Variants in WWOX observed in about 807,000 individuals in gnomAD.
WWOX encodes WW domain-containing oxidoreductase.
A neutral mutation model predicts 46.2 loss-of-function variants in WWOX; 69 were observed. That is an observed-to-expected ratio of 1.49 (90% CI 1.23 to 1.82). The LOEUF (loss-of-function observed/expected upper bound fraction) is 1.82. Ranked by LOEUF, WWOX falls within the 40% of genes most tolerant of loss-of-function variation. The pLI, the probability that WWOX is intolerant of heterozygous loss-of-function variation, is 0.00. For missense variants in WWOX, 919 were observed against 542.6 expected, an observed-to-expected ratio of 1.69 and a Z score of -6.89; for synonymous variants, 359 against 202.6, an observed-to-expected ratio of 1.77 and a Z score of -6.56.
At chr16:78,688,144 A>G (rs2047904293) in intron 8 of WWOX, among the ~76,000 whole-genome samples, 1 of 152,076 alleles carries the variant, frequency 6.6e-6, no homozygotes, top group Non-Finnish European at 1.5e-5. Context: ...ATAGAAATGC[A>G]TTTCAAATAT....
intron 5 of WWOX, among the ~76,000 whole-genome samples, chr16:78,235,631 C>T (rs2037410309): frequency 6.6e-6 from 1 of 152,184 alleles, no homozygotes; most frequent in African/African-American, 2.4e-5. Flanking sequence ...CAATTGCCTC[C>T]TTCTAACTCT....
chr16:78,705,237 G>T (rs1199346008), intron 8 of WWOX, among the ~76,000 whole-genome samples: 1 of 152,146 alleles, frequency 6.6e-6, no homozygotes, highest in Non-Finnish European at 1.5e-5. Context: ...TTTCATCTGA[G>T]AGGTTTTCTC....
At chr16:78,756,706 T>C (rs1276804914) in intron 8 of WWOX, among the ~76,000 whole-genome samples, 1 of 152,198 alleles carries the variant, frequency 6.6e-6, no homozygotes, top group African/African-American at 2.4e-5. Flanking sequence ...ATTAAGCAAC[T>C]ACCATATCTA....
intron 8 of WWOX, among the ~76,000 whole-genome samples, chr16:79,050,583 G>A (rs2048147942): frequency 6.6e-6 from 1 of 152,214 alleles, no homozygotes; most frequent in Non-Finnish European, 1.5e-5. Flanking sequence ...GATCCAGAGA[G>A]GAGGGTGAAG....
chr16:78,614,851 G>C (rs191714713), intron 8 of WWOX, among the ~76,000 whole-genome samples: 8 of 152,154 alleles, frequency 5.3e-5, no homozygotes, highest in Admixed American at 2.0e-4. Context: ...TTGTTACATA[G>C]GTATACATGT....
At chr16:78,264,380 C>G (rs1170069589) in intron 5 of WWOX, 1 of 152,120 alleles carries the variant, frequency 6.6e-6, no homozygotes, top group East Asian at 1.9e-4. Flanking sequence ...CTCCCCGCCC[C>G]CACCGCCAGC....
intron 6 of WWOX, among the ~76,000 whole-genome samples, chr16:78,400,968 C>G (rs9319522): frequency 0.31 from 47,469 of 152,054 alleles, 13,298 homozygotes; most frequent in African/African-American, 0.75. Flanking sequence ...GACTACATGC[C>G]TGCACCATCA....
intron 8 of WWOX, among the ~76,000 whole-genome samples, chr16:79,115,827 C>T (rs1309274268): frequency 6.6e-6 from 1 of 152,198 alleles, no homozygotes; most frequent in African/African-American, 2.4e-5. Context: ...GCATATACAC[C>T]AGCTTTCGCC....
intron 8 of WWOX, among the ~76,000 whole-genome samples, chr16:78,910,703 G>T (rs1330090100): frequency 1.3e-5 from 2 of 151,912 alleles, no homozygotes; most frequent in Admixed American, 1.3e-4. Flanking sequence ...GCAGGCAAGA[G>T]AACTTGTGCA....
In WWOX at chr16:78,397,591, T is replaced by G. The variant is rs368501589; in HGVS notation, c.605+10643T>G. On this transcript the variant is annotated intron_variant, in intron 6 of 8. Transcript: ENST00000566780. ...GCTTGGAGAATCAGAAAGATCTGTCTCATTTGGGAAATATACCATGTAAAA... is the reference window on the plus strand; with the variant it reads ...GCTTGGAGAATCAGAAAGATCTGTCGCATTTGGGAAATATACCATGTAAAA... Among the ~76,000 whole-genome samples, 9 of 152,330 alleles carry G rather than the reference T, an allele frequency of 5.9e-5. No individual in the cohort carries two copies. In the East Asian group the frequency reaches 7.7e-4, roughly 13 times the overall value.
intron 8 of WWOX, among the ~76,000 whole-genome samples, chr16:79,035,830 A>T (rs748523566): frequency 1.3e-5 from 2 of 152,220 alleles, no homozygotes; most frequent in Non-Finnish European, 2.9e-5. Context: ...TGGTGCTGTG[A>T]ACAGGGATCC....
At chr16:78,481,226 T>C (rs888834081) in intron 8 of WWOX, among the ~76,000 whole-genome samples, 1 of 152,186 alleles carries the variant, frequency 6.6e-6, no homozygotes, top group African/African-American at 2.4e-5. Flanking sequence ...GCCCTTAATT[T>C]TTCTAACTGA....
intron 8 of WWOX, among the ~76,000 whole-genome samples, chr16:78,975,112 G>A (rs948614906): frequency 6.6e-6 from 1 of 152,128 alleles, no homozygotes; most frequent in Admixed American, 6.5e-5. Flanking sequence ...GACCAGAATT[G>A]ATTGCCACCA....
intron 8 of WWOX, among the ~76,000 whole-genome samples, chr16:78,569,399 T>G (rs2151570861): frequency 6.6e-6 from 1 of 152,352 alleles, no homozygotes; most frequent in Non-Finnish European, 1.5e-5. Flanking sequence ...TTCACCTGTA[T>G]TATACATTTC....
At chr16:79,047,054 C>G (rs1027807949) in intron 8 of WWOX, among the ~76,000 whole-genome samples, 1 of 152,212 alleles carries the variant, frequency 6.6e-6, no homozygotes, top group African/African-American at 2.4e-5. Context: ...TTACATATGT[C>G]CTTGGCATCC....
chr16:79,122,492 C>G (rs527290892), intron 8 of WWOX, among the ~76,000 whole-genome samples: 40 of 151,688 alleles, frequency 2.6e-4, no homozygotes, highest in African/African-American at 9.2e-4. Context: ...TTGCTATTTC[C>G]TTTCTTTCTT....
At chr16:78,806,028 C>A (rs141578391) in intron 8 of WWOX, among the ~76,000 whole-genome samples, 445 of 152,230 alleles carry the variant, frequency 2.9e-3, no homozygotes, top group Non-Finnish European at 5.2e-3. Context: ...ATGAATTAAT[C>A]CAAAGCCACT....
chr16:78,527,818 AG>A (rs1442193667), intron 8 of WWOX, among the ~76,000 whole-genome samples: 2 of 151,284 alleles, frequency 1.3e-5, no homozygotes, highest in Admixed American at 6.6e-5. Flanking sequence ...GGTAGAGGAT[AG>A]GGGGGAAAAG....
intron 8 of WWOX, among the ~76,000 whole-genome samples, chr16:79,084,401 T>C (rs1183617702): frequency 2.0e-5 from 3 of 152,092 alleles, no homozygotes; most frequent in African/African-American, 7.2e-5. Flanking sequence ...ATTCCTAAAA[T>C]GGTGATAACA....
Sources: allele counts gnomAD v4.1 joint callset (sites outside exome capture counted in the v4.1 genomes callset), GRCh38; gene constraint gnomAD v4.1.1; transcripts MANE v1.5; gene names NCBI Gene and HGNC (gene_info 2026-07-23, HGNC 2026-07-21).